The following EIF4G3 variants were observed in gnomAD, a reference collection of about 807,000 sequenced individuals.
EIF4G3 encodes the protein eIF-4-gamma 3.
In EIF4G3, 34 loss-of-function variants were observed where a neutral mutation model predicts 186.4. The observed-to-expected ratio is 0.18, with a 90% CI of 0.14 to 0.24. EIF4G3 has a LOEUF of 0.24. EIF4G3 is among the 10% of genes least tolerant of loss of function. The probability of loss-of-function intolerance (pLI) is 1.00; values close to 1 mark genes in which losing one functional copy is unlikely to be tolerated. For synonymous variants in EIF4G3, 673 were observed against 679.5 expected (o/e 0.99, Z 0.15); for missense variants, 1,536 against 1,948.5 (o/e 0.79, Z 3.99).
chr1:21,000,062 C>T (rs533110576), intron 6 of EIF4G3, among the ~76,000 whole-genome samples: 1 of 150,500 alleles, frequency 6.6e-6, no homozygotes, highest in East Asian at 2.0e-4. Context: ...TACGTTACTA[C>T]AAAAGCCAAA....
rs550024752 is a variant in EIF4G3, at chr1:21,013,271, C to T, written c.-66-10463G>A. Among the ~76,000 whole-genome samples, 10 of 151,972 alleles carry T rather than the reference C, an allele frequency of 6.6e-5. No individual in the cohort carries two copies. In the South Asian group the frequency reaches 1.5e-3, roughly 22 times the overall value. On this transcript the variant is annotated intron_variant, in intron 4 of 36. Coordinates refer to ENST00000602326, the MANE Select transcript of EIF4G3 (RefSeq NM_001391906.1). ...AATGCCCCATCGAGAAAAAGCCACA[C>T]TCAAAACAATATAGGAAATTTTTTA...
chr1:21,164,872 G>T (rs774592652), intron 2 of EIF4G3, among the ~76,000 whole-genome samples: 8 of 151,970 alleles, frequency 5.3e-5, no homozygotes, highest in Non-Finnish European at 8.8e-5. Context: ...AAAATGAAAA[G>T]ATAAGCCACT....
chr1:20,874,251 T>C (rs1353551614), intron 20 of EIF4G3, among the ~76,000 whole-genome samples: 2 of 152,182 alleles, frequency 1.3e-5, no homozygotes, highest in Admixed American at 1.3e-4. Context: ...TTCTAGATCC[T>C]TGAGGAATCG....
At chr1:21,002,990 C>CTTTTTTTTT (rs5772933) in intron 4 of EIF4G3, among the ~76,000 whole-genome samples, 182 bp from the exon 5 acceptor site, 2 of 141,194 alleles carry the variant, frequency 1.4e-5, no homozygotes, top group Non-Finnish European at 3.1e-5. Context: ...CCTTTTCTTT[C>CTTTTTTTTT]TTTTTTTTTT....
At chr1:21,111,618 AG>A (rs1210793759) in intron 2 of EIF4G3, 2 of 268,672 alleles carry the variant, frequency 7.4e-6, no homozygotes, top group Non-Finnish European at 1.5e-5. Flanking sequence ...TACAAGGAAA[AG>A]TAGGTCCGTG....
intron 12 of EIF4G3, among the ~76,000 whole-genome samples, chr1:20,965,468 GATGGTAAATTAT>G (rs1309029508): frequency 6.6e-6 from 1 of 152,124 alleles, no homozygotes; most frequent in African/African-American, 2.4e-5. Context: ...CCCCAATTTA[GATGGTAAATTAT>G]ATGGTCATCC....
At chr1:20,855,450 A>G (rs2154551050) in intron 25 of EIF4G3, among the ~76,000 whole-genome samples, 1 of 152,360 alleles carries the variant, frequency 6.6e-6, no homozygotes, top group East Asian at 1.9e-4. Flanking sequence ...GTGTCTTTAC[A>G]TGACTGTCAG....
At chr1:21,016,016 T>C (rs967527064) in intron 4 of EIF4G3, among the ~76,000 whole-genome samples, 2 of 152,132 alleles carry the variant, frequency 1.3e-5, no homozygotes, top group African/African-American at 2.4e-5. Flanking sequence ...GACAAATATA[T>C]AAGCCTCTAT....
intron 16 of EIF4G3, among the ~76,000 whole-genome samples, chr1:20,896,574 T>C (rs1035057592): frequency 2.6e-5 from 4 of 152,232 alleles, no homozygotes; most frequent in Admixed American, 2.0e-4. Flanking sequence ...AGTAAAAAGA[T>C]TAAGGTAAGC....
intron 12 of EIF4G3, among the ~76,000 whole-genome samples, chr1:20,963,530 T>C (rs2073923173): frequency 6.6e-6 from 1 of 152,188 alleles, no homozygotes. Flanking sequence ...CATAATTTCC[T>C]ACCCCAAAGC....
intron 2 of EIF4G3, among the ~76,000 whole-genome samples, chr1:21,159,118 G>A (rs1035535837): frequency 1.8e-4 from 27 of 152,100 alleles, no homozygotes; most frequent in Non-Finnish European, 2.9e-5. Context: ...GGGGAACTCA[G>A]ATGTTGGCAA....
At chr1:20,989,294 G>A (rs1241002591) in intron 7 of EIF4G3, among the ~76,000 whole-genome samples, 3 of 151,360 alleles carry the variant, frequency 2.0e-5, no homozygotes, top group African/African-American at 4.9e-5. Flanking sequence ...AGTGGCTCAC[G>A]CTTGTAATCC....
At chr1:20,935,352 T>C (rs1449263874) in intron 14 of EIF4G3, among the ~76,000 whole-genome samples, 1 of 152,078 alleles carries the variant, frequency 6.6e-6, no homozygotes, top group African/African-American at 2.4e-5. Context: ...AACAGAAAAA[T>C]GTACAATAAT....
chr1:21,151,715 T>C (rs1001224348), intron 2 of EIF4G3, among the ~76,000 whole-genome samples: 2 of 13,402 alleles, frequency 1.5e-4, no homozygotes, highest in African/African-American at 2.1e-4. Context: ...GCAAATTGTA[T>C]TAAATAAAAA....
At chr1:20,963,043 T>C (rs1008101321) in intron 12 of EIF4G3, among the ~76,000 whole-genome samples, 1 of 151,422 alleles carries the variant, frequency 6.6e-6, no homozygotes, top group Middle Eastern at 3.2e-3. Flanking sequence ...TGCACCACCA[T>C]GTCCAGATTG....
At chr1:20,953,553 C>G (rs1348164826) in intron 12 of EIF4G3, among the ~76,000 whole-genome samples, 2 of 152,160 alleles carry the variant, frequency 1.3e-5, no homozygotes, top group African/African-American at 2.4e-5. Context: ...ATTAAGTAAA[C>G]AGGCAACAGA....
chr1:20,813,276 T>C lies in EIF4G3; in HGVS notation c.4516-37A>G, dbSNP rs910112212. 4 of 1,524,898 alleles carry C rather than the reference T, an allele frequency of 2.6e-6. No individual in the cohort carries two copies. In the African/African-American group the frequency reaches 5.5e-5, roughly 21 times the overall value. The allele number at this position is 1,524,898 out of a possible 1,614,324, so 94.5% of individuals were successfully genotyped here. A position where few individuals can be genotyped will look rare whatever the true frequency, so the allele number is the denominator to read the frequency against. On this transcript the variant is annotated intron_variant, in intron 34 of 36. Transcript: ENST00000602326. ...AAGAAATAAAACAATTAAAGATACC[T>C]TGCTCAGCCAGGCACAGAGGCTCAT...
intron 4 of EIF4G3, among the ~76,000 whole-genome samples, chr1:21,017,627 C>CA (rs71014146): frequency 0.055 from 2,707 of 49,220 alleles, 283 homozygotes; most frequent in East Asian, 0.21. Context: ...GACTCCGTCT[C>CA]AAAAAAAAAA....
At chr1:20,881,962 G>A (rs779753599) in intron 19 of EIF4G3, among the ~76,000 whole-genome samples, 118 of 149,998 alleles carry the variant, frequency 7.9e-4, no homozygotes, top group Non-Finnish European at 1.4e-3. Flanking sequence ...CAGGGGTTTC[G>A]AGACCAGCCT....
Sources: gnomAD v4.1 joint callset for allele counts (sites outside exome capture counted in the v4.1 genomes callset) on GRCh38, gnomAD v4.1.1 for gene constraint, MANE v1.5 for transcripts, NCBI Gene and HGNC (gene_info 2026-07-23, HGNC 2026-07-21) for gene names.